EGFR: variants seen among roughly 807,000 people sequenced by gnomAD.
EGFR encodes the protein epidermal growth factor receptor.
In EGFR, 58 loss-of-function variants were observed where a neutral mutation model predicts 143.0. That is an observed-to-expected ratio of 0.41 (90% CI 0.33 to 0.50). The LOEUF is 0.50. Ranked by LOEUF, EGFR falls within the 20% of genes least tolerant of loss-of-function variation. The pLI, the probability that EGFR is intolerant of heterozygous loss-of-function variation, is 0.39. For missense variants in EGFR, 1,307 were observed against 1,579.0 expected, an observed-to-expected ratio of 0.83 and a Z score of 2.92; for synonymous variants, 613 against 594.4, an observed-to-expected ratio of 1.03 and a Z score of -0.45.
At chr7:55,124,930 G>A (rs931591031) in intron 1 of EGFR, among the ~76,000 whole-genome samples, 8 of 152,210 alleles carry the variant, frequency 5.3e-5, no homozygotes, top group African/African-American at 1.7e-4. Context: ...AACCCCTGTC[G>A]GGGTGTCCAT....
rs884225 is a variant in EGFR, at chr7:55,206,391, T to C, written c.*774T>C. ...TCCATTGTTTTGAAACTCAGTATGC[T>C]GCCCCTGTCTTGCTGTCATGAAATC... On this transcript the variant is annotated 3_prime_UTR_variant, in exon 28 of 28. Transcript: ENST00000275493. The C allele has an allele frequency of 0.11, 26,555 of 233,320 alleles. 2,482 individuals carry two copies. Among genetic ancestry groups the C allele is most frequent in the East Asian group, 0.43 (7,069 of 16,572 alleles). The allele number at this position is 233,320 out of a possible 1,614,324, so 14.5% of individuals were successfully genotyped here.
Position 55,019,310 on chromosome 7 carries a change from C to A in EGFR, c.33C>A (p.Leu11=). The A allele has an allele frequency of 6.6e-7, 1 of 1,521,426 alleles. No homozygotes were observed. The highest frequency in any genetic ancestry group is 1.2e-5 in the South Asian group (1 of 83,968). The allele number at this position is 1,521,426 out of a possible 1,614,324, so 94.2% of individuals were successfully genotyped here. The change falls in exon 1 of 28, where the codon CTC becomes CTA. Residue 11 remains leucine, a synonymous_variant. Coordinates refer to ENST00000275493, the MANE Select transcript of EGFR (RefSeq NM_005228.5). MRPSGTAGAA[L]LALLAALCPA... ...CCTCCGGGACGGCCGGGGCAGCGCT[C>A]CTGGCGCTGCTGGCTGCGCTCTGCC...
intron 1 of EGFR, among the ~76,000 whole-genome samples, chr7:55,112,556 G>A (rs376164875): frequency 2.6e-5 from 4 of 152,216 alleles, no homozygotes; most frequent in African/African-American, 7.2e-5. Context: ...AGTGTGGCCC[G>A]AGGGCCATGG....
At chr7:55,172,772 G>A in intron 16 of EGFR, 1 of 1,401,350 alleles carries the variant, frequency 7.1e-7, no homozygotes, top group South Asian at 1.2e-5. Context: ...GGAAAAGTGT[G>A]CCTGGTAGGG....
intron 20 of EGFR, among the ~76,000 whole-genome samples, chr7:55,189,555 A>G (rs1787296105): frequency 1.3e-5 from 2 of 152,222 alleles, no homozygotes; most frequent in South Asian, 2.1e-4. Context: ...GAAGCTGGGA[A>G]TGTGCTCTGA....
chr7:55,073,139 T>G (rs1166288412), intron 1 of EGFR, among the ~76,000 whole-genome samples: 1 of 152,228 alleles, frequency 6.6e-6, no homozygotes, highest in African/African-American at 2.4e-5. Context: ...TATTTTACCA[T>G]TTAGTCATCT....
At chr7:55,023,387 C>T (rs1351044032) in intron 1 of EGFR, among the ~76,000 whole-genome samples, 1 of 152,102 alleles carries the variant, frequency 6.6e-6, no homozygotes, top group East Asian at 1.9e-4. Flanking sequence ...TGGTGGCTCA[C>T]CTCTATAATC....
chr7:55,019,296 G>C lies in EGFR; in HGVS notation c.19G>C (p.Ala7Pro), dbSNP rs761183109. The C allele has an allele frequency of 2.1e-5, 32 of 1,511,202 alleles. No individual in the cohort carries two copies. In the South Asian group the frequency reaches 2.3e-4, roughly 11 times the overall value. 93.6% of individuals were successfully genotyped at this position (1,511,202 alleles called of 1,614,324 possible). Reference sequence around the variant, plus strand: ...AGCAGCGATGCGACCCTCCGGGACGGCCGGGGCAGCGCTCCTGGCGCTGCT... The same window carrying C: ...AGCAGCGATGCGACCCTCCGGGACGCCCGGGGCAGCGCTCCTGGCGCTGCT... MRPSGT[A>P]GAALLALLAA... The change falls in exon 1 of 28, where the codon GCC becomes CCC. Residue 7 changes from alanine to proline, a missense_variant. Transcript: ENST00000275493.
rs143929710 is a variant in EGFR at position 55,162,727 on chromosome 7, C to A, written c.1632-1006C>A. Among the ~76,000 whole-genome samples, 70 of 152,348 alleles carry A rather than the reference C, an allele frequency of 4.6e-4. No individual in the cohort carries two copies. In the Middle Eastern group the frequency reaches 0.01, roughly 22 times the overall value. On this transcript the variant is annotated intron_variant, in intron 13 of 27. Transcript: ENST00000275493. ...TGACCCAGAGAAGAAGCACAGAAGA[C>A]ACAACCCTGTATCACATTTTGTTTA...
chr7:55,153,919 C>A (rs2128934641), intron 6 of EGFR, 92 bp from the exon 7 acceptor site: 1 of 1,587,460 alleles, frequency 6.3e-7, no homozygotes, highest in Non-Finnish European at 8.6e-7. Context: ...CTTGGGCTTT[C>A]TGACGGGAGT....
At chr7:55,038,079 C>T (rs935234866) in intron 1 of EGFR, among the ~76,000 whole-genome samples, 3 of 152,114 alleles carry the variant, frequency 2.0e-5, no homozygotes, top group Non-Finnish European at 4.4e-5. Context: ...TTTTTCAAAA[C>T]CTTGGTCTGA....
chr7:55,029,554 A>C (rs1205134535), intron 1 of EGFR, among the ~76,000 whole-genome samples: 1 of 152,208 alleles, frequency 6.6e-6, no homozygotes, highest in Non-Finnish European at 1.5e-5. Context: ...CAGATGAAAA[A>C]CTTTGTCAAA....
At chr7:55,080,894 C>T (rs1790429933) in intron 1 of EGFR, among the ~76,000 whole-genome samples, 1 of 151,950 alleles carries the variant, frequency 6.6e-6, no homozygotes, top group Non-Finnish European at 1.5e-5. Flanking sequence ...GTGGGATAGC[C>T]CTCCCTGTAC....
At chr7:55,159,086 G>A (rs1785569266) in intron 11 of EGFR, among the ~76,000 whole-genome samples, 1 of 152,142 alleles carries the variant, frequency 6.6e-6, no homozygotes, top group African/African-American at 2.4e-5. Flanking sequence ...CTCAATTACA[G>A]ACAGCTCCTC....
intron 3 of EGFR, among the ~76,000 whole-genome samples, chr7:55,146,225 A>C (rs2072453): frequency 0.59 from 89,181 of 151,654 alleles, 26,444 homozygotes; most frequent in African/African-American, 0.66. Flanking sequence ...GCACTCAGGA[A>C]CTGCCTCCCT....
intron 16 of EGFR, 56 bp from the exon 17 acceptor site, chr7:55,172,927 A>G (rs2128952283): frequency 6.2e-7 from 1 of 1,613,938 alleles, no homozygotes; most frequent in Middle Eastern, 1.6e-4. Context: ...TTGAGTGCCA[A>G]GGCCATGGAA....
chr7:55,146,537 C>G (rs543355280), intron 3 of EGFR, 69 bp from the exon 4 acceptor site: 1 of 1,606,950 alleles, frequency 6.2e-7, no homozygotes, highest in East Asian at 2.2e-5. Flanking sequence ...ATGCGAAGAG[C>G]ACATGCATCC....
intron 23 of EGFR, 52 bp from the exon 24 acceptor site, chr7:55,200,264 A>G (rs1157861825): frequency 3.3e-6 from 5 of 1,525,428 alleles, no homozygotes; most frequent in Non-Finnish European, 4.5e-6. Context: ...TGCCATCTTT[A>G]TCATTTCTTC....
At chr7:55,175,161 A>G (rs1013811457) in intron 19 of EGFR, among the ~76,000 whole-genome samples, 7 of 152,244 alleles carry the variant, frequency 4.6e-5, no homozygotes, top group African/African-American at 4.8e-5. Flanking sequence ...AAATGGAGGC[A>G]TAAAGAAATT....
Sources: allele counts gnomAD v4.1 joint callset (sites outside exome capture counted in the v4.1 genomes callset), GRCh38; gene constraint gnomAD v4.1.1; transcripts MANE v1.5; gene names NCBI Gene and HGNC (gene_info 2026-07-23, HGNC 2026-07-21).